AMPH: variants seen among roughly 807,000 people sequenced by gnomAD.
The protein encoded by AMPH is amphiphysin.
A neutral mutation model predicts 99.1 loss-of-function variants in AMPH; 49 were observed. The ratio of observed to expected loss-of-function variants is 0.49; its 90% CI spans 0.39 to 0.63. AMPH has a LOEUF of 0.63. Ranked by LOEUF, AMPH falls within the 20% of genes least tolerant of loss-of-function variation. The probability of loss-of-function intolerance (pLI) is 0.00; values close to 1 mark genes in which losing one functional copy is unlikely to be tolerated. For missense variants in AMPH, 759 were observed against 863.4 expected (o/e 0.88, Z 1.52); for synonymous variants, 314 against 317.3 (o/e 0.99, Z 0.11).
At chr7:38,535,197 A>C (rs576080883) in intron 1 of AMPH, among the ~76,000 whole-genome samples, 186 bp from the exon 2 acceptor site, 6 of 152,154 alleles carry the variant, frequency 3.9e-5, no homozygotes, top group African/African-American at 1.2e-4. Flanking sequence ...AAAAAAAAAA[A>C]ACTGAATCCC....
At chr7:38,618,664 T>C (rs749159866) in intron 1 of AMPH, among the ~76,000 whole-genome samples, 50 of 152,292 alleles carry the variant, frequency 3.3e-4, no homozygotes, top group African/African-American at 9.4e-4. Flanking sequence ...GAAATTGAGA[T>C]AGTATTAATC....
chr7:38,605,703 G>A (rs528231760), intron 1 of AMPH, among the ~76,000 whole-genome samples: 1 of 152,178 alleles, frequency 6.6e-6, no homozygotes, highest in African/African-American at 2.4e-5. Context: ...AGCCTCCCGA[G>A]TAGCTGGGAT....
chr7:38,628,331 C>T (rs544591913), intron 1 of AMPH, among the ~76,000 whole-genome samples: 6 of 152,180 alleles, frequency 3.9e-5, no homozygotes, highest in Non-Finnish European at 8.8e-5. Flanking sequence ...AATTGGTACA[C>T]CTTTCTGGAA....
At chr7:38,630,441 G>A (rs1562871769) in intron 1 of AMPH, among the ~76,000 whole-genome samples, 1 of 151,858 alleles carries the variant, frequency 6.6e-6, no homozygotes, top group African/African-American at 2.4e-5. Flanking sequence ...CGTCTCTGGG[G>A]AAAAAAAATA....
intron 5 of AMPH, among the ~76,000 whole-genome samples, chr7:38,487,975 T>C (rs1391959571): frequency 6.6e-6 from 1 of 152,192 alleles, no homozygotes; most frequent in Non-Finnish European, 1.5e-5. Flanking sequence ...CACAATGAGA[T>C]ACCATCTCAT....
At chr7:38,529,882 G>A (rs557464268) in intron 2 of AMPH, among the ~76,000 whole-genome samples, 58 of 152,248 alleles carry the variant, frequency 3.8e-4, no homozygotes, top group African/African-American at 7.9e-4. Flanking sequence ...ATAATTTATC[G>A]TAAATTAAAA....
At chr7:38,463,370 T>C (rs1787530454) in intron 9 of AMPH, among the ~76,000 whole-genome samples, 1 of 152,182 alleles carries the variant, frequency 6.6e-6, no homozygotes, top group South Asian at 2.1e-4. Flanking sequence ...ACTTTACAAG[T>C]AGTAAAGTGG....
intron 7 of AMPH, among the ~76,000 whole-genome samples, chr7:38,471,372 C>A (rs1787879105): frequency 1.3e-5 from 2 of 152,182 alleles, no homozygotes; most frequent in African/African-American, 4.8e-5. Context: ...TCTATCATCT[C>A]TATCTATATA....
chr7:38,549,950 C>T (rs1193178784), intron 1 of AMPH, among the ~76,000 whole-genome samples: 3 of 152,096 alleles, frequency 2.0e-5, no homozygotes, highest in East Asian at 1.9e-4. Flanking sequence ...TTTGTTATTC[C>T]ACTCCTGTGT....
chr7:38,628,111 A>G (rs1794322308), intron 1 of AMPH, among the ~76,000 whole-genome samples: 1 of 152,140 alleles, frequency 6.6e-6, no homozygotes, highest in Non-Finnish European at 1.5e-5. Flanking sequence ...GCCCTTACTA[A>G]TAACAAGACA....
intron 17 of AMPH, among the ~76,000 whole-genome samples, chr7:38,415,574 A>G (rs893829165): frequency 2.0e-4 from 31 of 152,206 alleles, no homozygotes; most frequent in Admixed American, 7.9e-4. Context: ...TACTTTAGGA[A>G]ACAAAAATAC....
chr7:38,521,385 G>A (rs1486393304), intron 2 of AMPH, among the ~76,000 whole-genome samples: 2 of 152,144 alleles, frequency 1.3e-5, no homozygotes, highest in African/African-American at 4.8e-5. Context: ...GTCAGGCGTG[G>A]TGGCAGGCAC....
At position 38,607,739 on chromosome 7, in the gene AMPH, C is replaced by A. The variant is rs115178440; in HGVS notation, c.69+23544G>T. 2.4e-3 allele frequency among the ~76,000 whole-genome samples: 365 copies of A among 152,182 alleles called. 3 individuals are homozygous for A. The highest frequency in any genetic ancestry group is 8.4e-3 in the African/African-American group (350 of 41,516). On this transcript the variant is annotated intron_variant, in intron 1 of 20. Coordinates refer to ENST00000356264, the MANE Select transcript of AMPH (RefSeq NM_001635.4). ...TGCTATAAGGATGAAGACAAGGAAC[C>A]CTGCACAATGTTCTCAGTTTATTTG... is the stretch of plus-strand genomic sequence containing the variant.
intron 12 of AMPH, among the ~76,000 whole-genome samples, chr7:38,433,893 T>G (rs1786152702): frequency 1.3e-5 from 2 of 152,082 alleles, no homozygotes; most frequent in African/African-American, 4.8e-5. Flanking sequence ...GCACAGATAC[T>G]GCAGAGATCA....
chr7:38,477,161 G>C (rs145477997), intron 5 of AMPH, among the ~76,000 whole-genome samples, 192 bp from the exon 6 acceptor site: 1 of 151,952 alleles, frequency 6.6e-6, no homozygotes, highest in Non-Finnish European at 1.5e-5. Flanking sequence ...TTGTGTTGAA[G>C]CCATTAGATA....
intron 15 of AMPH, among the ~76,000 whole-genome samples, chr7:38,426,056 G>A (rs1785772611): frequency 6.6e-6 from 1 of 152,054 alleles, no homozygotes; most frequent in Non-Finnish European, 1.5e-5. Context: ...ATATCAGTGG[G>A]TTTTTATCTT....
chr7:38,586,689 C>T (rs1342732392), intron 1 of AMPH, among the ~76,000 whole-genome samples: 1 of 152,216 alleles, frequency 6.6e-6, no homozygotes, highest in East Asian at 1.9e-4. Flanking sequence ...ACACAGTCTA[C>T]ATTCGGCCAC....
chr7:38,534,207 T>A (rs1367935925), intron 2 of AMPH, among the ~76,000 whole-genome samples: 2 of 152,240 alleles, frequency 1.3e-5, no homozygotes. Context: ...AGAACCAATT[T>A]TCAGCCCCTT....
Position 38,392,023 on chromosome 7 carries a change from G to A in AMPH, c.1609-6C>T. The A allele has an allele frequency of 6.2e-7, 1 of 1,603,034 alleles. No individual in the cohort carries two copies. The highest frequency in any genetic ancestry group is 1.7e-5 in the Admixed American group (1 of 59,908). On this transcript the variant is annotated splice_polypyrimidine_tract_variant and splice_region_variant and intron_variant, in intron 18 of 20. Transcript: ENST00000356264. ...ACCGAAGGAATGACCTTCTCCTGGG[G>A]GAAGAAAAACCGTGGCGATGCCCGG... is the stretch of plus-strand genomic sequence containing the variant.
Sources: allele counts gnomAD v4.1 joint callset (sites outside exome capture counted in the v4.1 genomes callset), GRCh38; gene constraint gnomAD v4.1.1; transcripts MANE v1.5; gene names NCBI Gene and HGNC (gene_info 2026-07-23, HGNC 2026-07-21).